The following N4BP2L2 variants were observed in gnomAD, a reference collection of about 807,000 sequenced individuals.
N4BP2L2 encodes NEDD4 binding protein 2 like 2, also known as NEDD4-binding protein 2-like 2.
Under a neutral mutation model 56.2 loss-of-function variants are expected in N4BP2L2, and 50 were observed. The observed-to-expected ratio is 0.89, with a 90% CI of 0.71 to 1.13. The LOEUF (loss-of-function observed/expected upper bound fraction) is 1.13, where lower values mean the gene tolerates loss of function less well. Ranked by LOEUF, N4BP2L2 falls within the 50% of genes most tolerant of loss-of-function variation. The pLI is 0.00. For synonymous variants in N4BP2L2, 203 were observed against 223.6 expected (o/e 0.91, Z 0.82); for missense variants, 689 against 693.8 (o/e 0.99, Z 0.08).
At chr13:32,454,859 G>A (rs2078696908) in intron 6 of N4BP2L2, among the ~76,000 whole-genome samples, 1 of 152,198 alleles carries the variant, frequency 6.6e-6, no homozygotes, top group Non-Finnish European at 1.5e-5. Context: ...AAACACCTAA[G>A]GCACAGAAGG....
At chr13:32,465,845 G>C (rs532770961) in intron 6 of N4BP2L2, among the ~76,000 whole-genome samples, 6 of 152,154 alleles carry the variant, frequency 3.9e-5, no homozygotes, top group African/African-American at 1.4e-4. Flanking sequence ...GTGGAGACAG[G>C]GTTTCACCAT....
chr13:32,486,948 G>A (rs886679286), intron 6 of N4BP2L2, among the ~76,000 whole-genome samples: 2 of 150,656 alleles, frequency 1.3e-5, no homozygotes, highest in African/African-American at 2.4e-5. Flanking sequence ...GCAGTGAGCC[G>A]AGATCACGCC....
exon 1 of N4BP2L2, chr13:32,538,619 T>C: frequency 1.0e-6 from 1 of 985,486 alleles, no homozygotes; most frequent in East Asian, 1.1e-4. Context: ...TCTACTCACC[T>C]TACTCTACCC....
intron 6 of N4BP2L2, among the ~76,000 whole-genome samples, chr13:32,485,229 A>G (rs918577373): frequency 6.6e-5 from 10 of 152,230 alleles, no homozygotes; most frequent in Admixed American, 3.3e-4. Flanking sequence ...CCCACACAAA[A>G]AGGAAATCAG....
chr13:32,474,388 A>G (rs1373232630), intron 6 of N4BP2L2, among the ~76,000 whole-genome samples: 4 of 152,064 alleles, frequency 2.6e-5, no homozygotes, highest in Non-Finnish European at 5.9e-5. Flanking sequence ...ACAAATACAT[A>G]TGATAGAAAT....
chr13:32,499,732 T>C (rs1488594597), intron 6 of N4BP2L2, among the ~76,000 whole-genome samples: 2 of 152,198 alleles, frequency 1.3e-5, no homozygotes, highest in African/African-American at 4.8e-5. Flanking sequence ...TACTTCTTCC[T>C]GTCCCACCCT....
In N4BP2L2 at chr13:32,537,036, T is replaced by C. The variant is rs1566201236; in HGVS notation, c.1-9A>G. ...ATTTCACCATAAGACATCTGAGAAA[T>C]AAATAAATCATACAATTACTAGCTA... On this transcript the variant is annotated splice_polypyrimidine_tract_variant and intron_variant, in intron 1 of 5. Transcript: ENST00000267068. The C allele has an allele frequency of 2.0e-5, 30 of 1,485,022 alleles. No individual in the cohort carries two copies. Among genetic ancestry groups the C allele is most frequent in the Non-Finnish European group, 2.7e-5 (30 of 1,112,546 alleles). The allele number at this position is 1,485,022 out of a possible 1,614,324, so 92.0% of individuals were successfully genotyped here.
chr13:32,538,076 G>C (rs976298556), intron 1 of N4BP2L2, among the ~76,000 whole-genome samples: 10 of 138,666 alleles, frequency 7.2e-5, no homozygotes, highest in African/African-American at 1.6e-4. Context: ...GTCTTGGGGG[G>C]GGGGGGCGGT....
intron 6 of N4BP2L2, among the ~76,000 whole-genome samples, chr13:32,502,436 CAA>C (rs548943045): frequency 1.2e-4 from 18 of 152,044 alleles, no homozygotes; most frequent in East Asian, 7.7e-4. Flanking sequence ...ACTGTATTAT[CAA>C]AAGAGGTAAA....
intron 5 of N4BP2L2, 77 bp downstream of exon 5, chr13:32,521,296 T>C: frequency 8.8e-7 from 1 of 1,142,656 alleles, no homozygotes; most frequent in Non-Finnish European, 1.3e-6. Context: ...TTGTATTCAA[T>C]AAACTGTGAA....
intron 6 of N4BP2L2, among the ~76,000 whole-genome samples, chr13:32,459,108 A>G (rs2079520991): frequency 1.3e-5 from 2 of 152,134 alleles, no homozygotes; most frequent in Admixed American, 1.3e-4. Flanking sequence ...GGAAATACAA[A>G]CTACAAAAAC....
chr13:32,495,403 G>A (rs887895754), intron 6 of N4BP2L2, among the ~76,000 whole-genome samples: 2 of 152,102 alleles, frequency 1.3e-5, no homozygotes, highest in African/African-American at 2.4e-5. Context: ...ATTCTGTTTA[G>A]TACCCACGCA....
exon 6 of N4BP2L2, chr13:32,512,110 G>A (rs1298494125): frequency 6.6e-6 from 1 of 151,940 alleles, no homozygotes; most frequent in African/African-American, 2.4e-5. Context: ...AAATAATAAA[G>A]TATATTTCAA....
intron 5 of N4BP2L2, 54 bp downstream of exon 5, chr13:32,521,319 T>C (rs2050836476): frequency 7.6e-7 from 1 of 1,311,636 alleles, no homozygotes. Context: ...GATGTCAGAA[T>C]TCACAAAAGA....
chr13:32,445,652 T>C (rs1404858171), intron 6 of N4BP2L2, among the ~76,000 whole-genome samples: 1 of 152,230 alleles, frequency 6.6e-6, no homozygotes, highest in African/African-American at 2.4e-5. Context: ...AAAGGCATTT[T>C]TGGTGGTCAG....
At chr13:32,511,945 G>A (rs955077782) in exon 6 of N4BP2L2, 4 of 152,124 alleles carry the variant, frequency 2.6e-5, no homozygotes, top group Middle Eastern at 6.8e-3. Context: ...GAAGAGTTCA[G>A]AATTACTCTT....
chr13:32,526,537 A>C (rs2052850254), intron 3 of N4BP2L2, among the ~76,000 whole-genome samples: 1 of 152,170 alleles, frequency 6.6e-6, no homozygotes, highest in African/African-American at 2.4e-5. Context: ...AAATCTCAAT[A>C]CCTGATAATT....
At chr13:32,451,967 C>G (rs893065154) in intron 6 of N4BP2L2, among the ~76,000 whole-genome samples, 1 of 151,992 alleles carries the variant, frequency 6.6e-6, no homozygotes, top group Non-Finnish European at 1.5e-5. Context: ...AAAGTTCTAC[C>G]GAATATTCAA....
chr13:32,538,635 C>G lies in N4BP2L2; in HGVS notation c.-18G>C. On this transcript the variant is annotated 5_prime_UTR_variant, in exon 1 of 6. An upstream start codon of the reference 5' UTR is lost. Transcript: ENST00000267068. ...CTACTCACCTTACTCTACCCCTACG[C>G]ATTGACCTTTACCTCCCAATAAAAC... 1.0e-6 allele frequency: 1 copy of G among 985,566 alleles called. No individual in the cohort carries two copies. Among genetic ancestry groups the G allele is most frequent in the Non-Finnish European group, 1.2e-6 (1 of 830,008 alleles). 61.1% of individuals were successfully genotyped at this position (985,566 alleles called of 1,614,324 possible). A position where few individuals can be genotyped will look rare whatever the true frequency, so the allele number is the denominator to read the frequency against.
Sources: gnomAD v4.1 joint callset for allele counts (sites outside exome capture counted in the v4.1 genomes callset) on GRCh38, gnomAD v4.1.1 for gene constraint, MANE v1.5 for transcripts, NCBI Gene and HGNC (gene_info 2026-07-23, HGNC 2026-07-21) for gene names.